Variants in CCDC150 observed in about 807,000 individuals in gnomAD.
The protein encoded by CCDC150 is coiled-coil domain containing 150.
In CCDC150, 151 loss-of-function variants were observed where a neutral mutation model predicts 156.5. That is an observed-to-expected ratio of 0.97 (90% CI 0.85 to 1.10). The LOEUF is 1.10. Ranked by LOEUF, CCDC150 falls within the 50% of genes least tolerant of loss-of-function variation. The pLI, the probability that CCDC150 is intolerant of heterozygous loss-of-function variation, is 0.00. For missense variants in CCDC150, 1,312 were observed against 1,268.1 expected (o/e 1.03, Z -0.53); for synonymous variants, 452 against 429.4 (o/e 1.05, Z -0.65).
At chr2:196,671,095 C>G (rs1694173191) in intron 8 of CCDC150, among the ~76,000 whole-genome samples, 1 of 152,138 alleles carries the variant, frequency 6.6e-6, no homozygotes, top group Non-Finnish European at 1.5e-5. Flanking sequence ...AGGGTTCACT[C>G]TTGGTGTTGT....
intron 19 of CCDC150, chr2:196,720,148 A>C (rs767300645): frequency 2.5e-6 from 1 of 404,856 alleles, no homozygotes; most frequent in Non-Finnish European, 5.0e-6. Context: ...AGAATGTTTC[A>C]AAAATTAAAT....
Position 196,646,379 on chromosome 2 carries a change from T to A in CCDC150, c.51T>A (p.Ser17=). 6.2e-7 allele frequency: 1 copy of A among 1,613,880 alleles called. No homozygotes were observed. The highest frequency in any genetic ancestry group is 1.1e-5 in the South Asian group (1 of 91,068). The stretch of plus-strand genomic sequence containing the variant: ...CTACAGTGTCCAGACCGGTCCTTTC[T>A]CCAACCCACATCAACGCTACAGCTT... The part of the protein sequence containing the change: ...METTVSRPVL[S]PTHINATASE... The change falls in exon 2 of 28, where the codon TCT becomes TCA. Residue 17 remains serine, a synonymous_variant. Transcript: ENST00000389175.
In CCDC150 at chr2:196,657,132, CA is replaced by C. The variant is rs1216688753; in HGVS notation, c.575del (p.Lys192ArgfsTer11). On this transcript the variant is annotated frameshift_variant, in exon 4 of 28. Transcript: ENST00000389175. LOFTEE classifies it high-confidence loss of function. Reference protein sequence around the residue: ...LTATLKIASQTKKNAAIIEEE... With the variant: ...LTATLKIASQXKKNAAIIEEE... ...GCCACTCTGAAGATTGCCTCGCAGA[CA>C]AAGGTTTGAGTCTAAGAGTTCTGAA... 1 of 1,613,492 alleles carries C rather than the reference CA, an allele frequency of 6.2e-7. No individual in the cohort carries two copies. Among genetic ancestry groups the C allele is most frequent in the Non-Finnish European group, 8.5e-7 (1 of 1,179,598 alleles).
At chr2:196,641,900 T>G (rs1692253369) in intron 1 of CCDC150, among the ~76,000 whole-genome samples, 1 of 152,210 alleles carries the variant, frequency 6.6e-6, no homozygotes, top group South Asian at 2.1e-4. Context: ...ATGGAGCCTG[T>G]GTCCACAGAA....
Position 196,706,488 on chromosome 2 carries a change from A to G in CCDC150, c.1695+5308A>G, listed in dbSNP as rs1389219235. Among the ~76,000 whole-genome samples the G allele has an allele frequency of 2.6e-5, 4 of 152,120 alleles. No homozygotes were observed. The East Asian group carries it at 5.8e-4, about 22-fold the overall frequency. On this transcript the variant is annotated intron_variant, in intron 15 of 27. Coordinates refer to ENST00000389175, the MANE Select transcript of CCDC150 (RefSeq NM_001080539.2). ...GACAATTTGACTTCCTCTTTTCCTA[A>G]TTGAATACCCTTTATTTCTTTCTCT...
chr2:196,658,780 T>G lies in CCDC150; in HGVS notation c.577-12T>G. 1.3e-6 allele frequency: 2 copies of G among 1,579,894 alleles called. No homozygotes were observed. The highest frequency in any genetic ancestry group is 1.7e-6 in the Non-Finnish European group (2 of 1,155,614). ...TCAGATTATTTAGAATCTTTTCTCC[T>G]TCTACTTTTAGAAGAATGCAGCCAT... is the stretch of plus-strand genomic sequence containing the variant. On this transcript the variant is annotated splice_polypyrimidine_tract_variant and intron_variant, in intron 4 of 27. Transcript: ENST00000389175.
intron 20 of CCDC150, among the ~76,000 whole-genome samples, chr2:196,721,275 G>A (rs1697866511): frequency 7.1e-6 from 1 of 141,318 alleles, no homozygotes; most frequent in Admixed American, 7.3e-5. Flanking sequence ...GGTGACCAAT[G>A]GAGCATGGCC....
chr2:196,673,017 A>G (rs1029854309), intron 9 of CCDC150, among the ~76,000 whole-genome samples: 1 of 152,138 alleles, frequency 6.6e-6, no homozygotes, highest in Non-Finnish European at 1.5e-5. Flanking sequence ...CTCTTGGTAC[A>G]ATTTGATTGT....
At chr2:196,693,495 C>G (rs1559248684) in intron 13 of CCDC150, among the ~76,000 whole-genome samples, 1 of 152,100 alleles carries the variant, frequency 6.6e-6, no homozygotes, top group Non-Finnish European at 1.5e-5. Context: ...ATAGATTTGC[C>G]CTTATATCCT....
intron 15 of CCDC150, among the ~76,000 whole-genome samples, chr2:196,709,938 G>C (rs1696976395): frequency 6.6e-6 from 1 of 152,184 alleles, no homozygotes; most frequent in African/African-American, 2.4e-5. Context: ...CTACTGGGAG[G>C]TGTCTCCCAG....
intron 13 of CCDC150, among the ~76,000 whole-genome samples, chr2:196,688,353 T>G (rs1291672711): frequency 2.0e-5 from 3 of 152,214 alleles, no homozygotes; most frequent in Non-Finnish European, 4.4e-5. Flanking sequence ...TTATTCTTTT[T>G]GTGGCAACTG....
intron 13 of CCDC150, among the ~76,000 whole-genome samples, chr2:196,679,588 T>C (rs1694698961): frequency 6.6e-6 from 1 of 152,226 alleles, no homozygotes; most frequent in Admixed American, 6.5e-5. Flanking sequence ...AAAGCCTATA[T>C]AAATATTCAG....
In CCDC150 at chr2:196,665,636, C is replaced by T. The variant is rs1693798480; in HGVS notation, c.715C>T (p.Leu239Phe). 6.2e-7 allele frequency: 1 copy of T among 1,603,908 alleles called. No homozygotes were observed. Among genetic ancestry groups the T allele is most frequent in the Non-Finnish European group, 8.5e-7 (1 of 1,175,396 alleles). ...SLEKSASAMLLKIQEMGSTVE... is the reference protein window; with the variant it reads ...SLEKSASAMLFKIQEMGSTVE... ...AGAGAAATCAGCATCAGCCATGCTC[C>T]TCAAAATACAAGAAATGGGATCAAC... The change falls in exon 6 of 28, where the codon CTC becomes TTC. Residue 239 changes from leucine (L) to phenylalanine (F), a missense_variant. Transcript: ENST00000389175.
At chr2:196,729,167 T>G in intron 22 of CCDC150, 26 bp from the exon 23 acceptor site, 2 of 1,569,624 alleles carry the variant, frequency 1.3e-6, no homozygotes, top group Non-Finnish European at 1.7e-6. Context: ...GTAAAAATGT[T>G]TCAATTTTCT....
At position 196,674,401 on chromosome 2, in the gene CCDC150, G is replaced by C. The variant is rs565042164; in HGVS notation, c.1137+53G>C. On this transcript the variant is annotated intron_variant, in intron 10 of 27. Coordinates refer to ENST00000389175, the MANE Select transcript of CCDC150 (RefSeq NM_001080539.2). ...GAAAGCCAGCCTGGTTGATAGATCA[G>C]GAAATGTTTATGGCCAACTGGAGAA... The C allele has an allele frequency of 8.3e-6, 9 of 1,084,916 alleles. No individual in the cohort carries two copies. In the African/African-American group the frequency reaches 9.6e-5, roughly 12 times the overall value. 67.2% of individuals were successfully genotyped at this position (1,084,916 alleles called of 1,614,324 possible).
chr2:196,671,887 A>G (rs576541941), intron 8 of CCDC150, among the ~76,000 whole-genome samples: 1 of 152,342 alleles, frequency 6.6e-6, no homozygotes, highest in East Asian at 1.9e-4. Flanking sequence ...GTCTGGGCAT[A>G]GGTATTCAGC....
At chr2:196,719,390 G>A (rs1697740814) in intron 18 of CCDC150, 107 bp from the exon 19 acceptor site, 2 of 801,762 alleles carry the variant, frequency 2.5e-6, no homozygotes, top group Non-Finnish European at 3.7e-6. Context: ...ATCCTACTGT[G>A]TCTGCTTGTC....
chr2:196,682,210 ATCAT>A (rs1368739336), intron 13 of CCDC150, among the ~76,000 whole-genome samples: 12 of 152,078 alleles, frequency 7.9e-5, no homozygotes, highest in Admixed American at 2.6e-4. Flanking sequence ...CGTTGAAAAG[ATCAT>A]TCATTCTTTC....
At chr2:196,664,229 CTA>C (rs1176047059) in intron 5 of CCDC150, among the ~76,000 whole-genome samples, 3 of 152,188 alleles carry the variant, frequency 2.0e-5, no homozygotes, top group African/African-American at 7.2e-5. Context: ...GACACTGACA[CTA>C]TCTACCTGAA....
Sources: gnomAD v4.1 joint callset for allele counts (sites outside exome capture counted in the v4.1 genomes callset) on GRCh38, gnomAD v4.1.1 for gene constraint, MANE v1.5 for transcripts, NCBI Gene and HGNC (gene_info 2026-07-23, HGNC 2026-07-21) for gene names.